The following CNTN5 variants were observed in gnomAD, a reference collection of about 807,000 sequenced individuals.
CNTN5 encodes the protein contactin 5, also known as contactin-5.
A neutral mutation model predicts 129.1 loss-of-function variants in CNTN5; 77 were observed. That is an observed-to-expected ratio of 0.60 (90% confidence interval 0.50 to 0.72). CNTN5 has a LOEUF of 0.72. CNTN5 is among the 30% of genes least tolerant of loss of function. The pLI is 0.00. For synonymous variants in CNTN5, 509 were observed against 465.6 expected, an observed-to-expected ratio of 1.09 and a Z score of -1.20; for missense variants, 1,478 against 1,328.8, an observed-to-expected ratio of 1.11 and a Z score of -1.75.
rs56333000 is a variant in CNTN5, at chr11:100,356,402, G to T, written c.*182G>T. 5.1e-6 allele frequency: 3 copies of T among 590,284 alleles called. No homozygotes were observed. The highest frequency in any genetic ancestry group is 9.1e-6 in the Non-Finnish European group (3 of 330,964). 36.6% of individuals were successfully genotyped at this position (590,284 alleles called of 1,614,324 possible). A position where few individuals can be genotyped will look rare whatever the true frequency, so the allele number is the denominator to read the frequency against. Reference sequence around the variant, plus strand: ...TACTTATCCATCAGGTTTCTCTTTGGTTTTTGTAAACGGAGAGGACAGTTC... The same window carrying T: ...TACTTATCCATCAGGTTTCTCTTTGTTTTTTGTAAACGGAGAGGACAGTTC... On this transcript the variant is annotated 3_prime_UTR_variant, in exon 25 of 25. Coordinates refer to ENST00000524871, the MANE Select transcript of CNTN5 (RefSeq NM_014361.4).
intron 13 of CNTN5, among the ~76,000 whole-genome samples, chr11:100,179,246 A>G (rs1948065285): frequency 6.6e-6 from 1 of 152,038 alleles, no homozygotes; most frequent in Admixed American, 6.6e-5. Context: ...CCACAGCCTC[A>G]GGTAACTATC....
At chr11:99,135,494 G>A (rs955832698) in intron 1 of CNTN5, among the ~76,000 whole-genome samples, 5 of 152,144 alleles carry the variant, frequency 3.3e-5, no homozygotes, top group South Asian at 2.1e-4. Flanking sequence ...AAGCCAGGGC[G>A]ACTGAAATCC....
intron 6 of CNTN5, among the ~76,000 whole-genome samples, chr11:99,860,943 T>C (rs572936634): frequency 6.8e-6 from 1 of 147,500 alleles, no homozygotes; most frequent in South Asian, 2.1e-4. Flanking sequence ...ACATGGAATA[T>C]GTCTTCATTT....
intron 1 of CNTN5, among the ~76,000 whole-genome samples, chr11:99,209,403 T>C (rs923138105): frequency 1.3e-5 from 2 of 151,984 alleles, no homozygotes; most frequent in African/African-American, 2.4e-5. Flanking sequence ...GGGGAGTAGC[T>C]TGGGGAGTCA....
At chr11:99,150,205 A>C (rs1045810670) in intron 1 of CNTN5, among the ~76,000 whole-genome samples, 1 of 152,066 alleles carries the variant, frequency 6.6e-6, no homozygotes, top group Non-Finnish European at 1.5e-5. Context: ...TTTAAATCAC[A>C]AATGACTGTA....
chr11:99,387,846 T>A (rs1044652624), intron 2 of CNTN5, among the ~76,000 whole-genome samples: 59 of 152,284 alleles, frequency 3.9e-4, no homozygotes, highest in Non-Finnish European at 4.3e-4. Context: ...TAGTGAGTTG[T>A]TTTTAACCTT....
intron 3 of CNTN5, among the ~76,000 whole-genome samples, chr11:99,581,810 A>G (rs1399272820): frequency 6.6e-6 from 1 of 152,196 alleles, no homozygotes; most frequent in Non-Finnish European, 1.5e-5. Context: ...TAATTGGAGC[A>G]TTTAGCCCAT....
At chr11:99,517,297 C>G (rs1053804611) in intron 2 of CNTN5, among the ~76,000 whole-genome samples, 2 of 151,916 alleles carry the variant, frequency 1.3e-5, no homozygotes, top group African/African-American at 4.8e-5. Context: ...TTCCCTTAAC[C>G]CTTCATCACC....
chr11:99,710,456 C>G (rs115509640), intron 3 of CNTN5, among the ~76,000 whole-genome samples: 1 of 151,702 alleles, frequency 6.6e-6, no homozygotes, highest in African/African-American at 2.4e-5. Context: ...CCTGTTGTTG[C>G]ATCTGAATCT....
intron 3 of CNTN5, among the ~76,000 whole-genome samples, chr11:99,731,208 C>T (rs1053001302): frequency 1.3e-5 from 2 of 151,782 alleles, no homozygotes; most frequent in Admixed American, 6.6e-5. Context: ...TCCGGGTTCA[C>T]GCCATTCTCC....
chr11:99,919,006 A>C (rs7117276), intron 7 of CNTN5, among the ~76,000 whole-genome samples: 46,218 of 151,864 alleles, frequency 0.3, 8,278 homozygotes, highest in South Asian at 0.4. Context: ...GTGCAGTCCA[A>C]CTCCAGCCAG....
At chr11:99,526,469 G>C (rs1035322500) in intron 2 of CNTN5, among the ~76,000 whole-genome samples, 1 of 152,218 alleles carries the variant, frequency 6.6e-6, no homozygotes, top group South Asian at 2.1e-4. Flanking sequence ...ATAGTTTTAT[G>C]CAAGAATAGC....
intron 4 of CNTN5, among the ~76,000 whole-genome samples, chr11:99,823,988 T>A (rs1231579851): frequency 6.6e-6 from 1 of 152,092 alleles, no homozygotes; most frequent in Non-Finnish European, 1.5e-5. Context: ...TATCTTGGTA[T>A]CTTCAGTTCT....
chr11:100,090,090 TAAAAAC>T (rs982026747), intron 13 of CNTN5, among the ~76,000 whole-genome samples: 3 of 151,906 alleles, frequency 2.0e-5, no homozygotes, highest in Non-Finnish European at 4.4e-5. Flanking sequence ...AAAACAGAAT[TAAAAAC>T]AAAAACCATA....
intron 13 of CNTN5, among the ~76,000 whole-genome samples, chr11:100,140,001 A>C (rs1946641962): frequency 6.6e-6 from 1 of 152,214 alleles, no homozygotes; most frequent in Non-Finnish European, 1.5e-5. Context: ...ATCCTAGCGC[A>C]CAGTAGAAAG....
rs1342227260 is a variant in CNTN5 at position 100,357,731 on chromosome 11, A to G, written c.*1511A>G. 1 of 151,652 alleles carries G rather than the reference A, an allele frequency of 6.6e-6. No homozygotes were observed. Among genetic ancestry groups the G allele is most frequent in the South Asian group, 2.1e-4 (1 of 4,832 alleles). The allele number at this position is 151,652 out of a possible 1,614,324, so 9.4% of individuals were successfully genotyped here. A position where few individuals can be genotyped will look rare whatever the true frequency, so the allele number is the denominator to read the frequency against. On this transcript the variant is annotated 3_prime_UTR_variant, in exon 25 of 25. Transcript: ENST00000524871. Reference sequence around the variant, plus strand: ...CATTAATAACAAGCAAAATGAAACAATATGGAGCTCAAATTGCTAGCTCTC... The same window carrying G: ...CATTAATAACAAGCAAAATGAAACAGTATGGAGCTCAAATTGCTAGCTCTC...
At chr11:99,918,402 T>C (rs1949849226) in intron 7 of CNTN5, among the ~76,000 whole-genome samples, 1 of 152,188 alleles carries the variant, frequency 6.6e-6, no homozygotes, top group Non-Finnish European at 1.5e-5. Context: ...CAATTTAAAA[T>C]AAAAATGATG....
At chr11:99,598,194 C>G (rs1003012803) in intron 3 of CNTN5, among the ~76,000 whole-genome samples, 3 of 152,020 alleles carry the variant, frequency 2.0e-5, no homozygotes, top group African/African-American at 7.2e-5. Flanking sequence ...CCATGCTACC[C>G]CCATTCCTCA....
intron 2 of CNTN5, among the ~76,000 whole-genome samples, chr11:99,553,489 AG>A (rs932506284): frequency 2.2e-4 from 34 of 152,044 alleles, no homozygotes; most frequent in African/African-American, 7.2e-4. Context: ...ACGTGTAAAA[AG>A]TTTACATATT....
Sources: allele counts gnomAD v4.1 joint callset (sites outside exome capture counted in the v4.1 genomes callset), GRCh38; gene constraint gnomAD v4.1.1; transcripts MANE v1.5; gene names NCBI Gene and HGNC (gene_info 2026-07-23, HGNC 2026-07-21).